ACO1: variants seen among roughly 807,000 people sequenced by gnomAD.
The protein encoded by ACO1 is aconitase 1, also known as cytoplasmic aconitate hydratase.
ACO1 carries 78 observed loss-of-function variants against 105.1 expected under a neutral mutation model. That is an observed-to-expected ratio of 0.74 (90% CI 0.62 to 0.90). ACO1 has a LOEUF of 0.90. Ranked by LOEUF, ACO1 falls within the 40% of genes least tolerant of loss-of-function variation. The pLI is 0.00. For missense variants in ACO1, 965 were observed against 1,111.1 expected, an observed-to-expected ratio of 0.87 and a Z score of 1.87; for synonymous variants, 364 against 397.4, an observed-to-expected ratio of 0.92 and a Z score of 1.00.
At chr9:32,399,802 T>C (rs1821449633) in intron 1 of ACO1, among the ~76,000 whole-genome samples, 1 of 126,494 alleles carries the variant, frequency 7.9e-6, no homozygotes, top group African/African-American at 2.8e-5. Flanking sequence ...ATGTGAGGTC[T>C]AGTGATTTTT....
rs148695624 is a variant in ACO1 at position 32,401,598 on chromosome 9, G to T, written c.-22-3887G>T. Among the ~76,000 whole-genome samples the T allele has an allele frequency of 1.4e-3, 206 of 152,286 alleles. 1 individual carries two copies. Among genetic ancestry groups the T allele is most frequent in the Admixed American group, 2.6e-3 (40 of 15,288 alleles). ...GGTGACAGGTTGGTGCCATGCCTTA[G>T]TGCCATGCTATGTATGCACAAAAGG... On this transcript the variant is annotated intron_variant, in intron 1 of 20. Coordinates refer to ENST00000309951, the MANE Select transcript of ACO1 (RefSeq NM_002197.3).
At chr9:32,396,368 A>G (rs963973873) in intron 1 of ACO1, among the ~76,000 whole-genome samples, 6 of 152,128 alleles carry the variant, frequency 3.9e-5, no homozygotes, top group Non-Finnish European at 7.4e-5. Flanking sequence ...TAAACTACAA[A>G]CACCTAGCTG....
rs1312993905 is a variant in ACO1, at chr9:32,452,144, G to T, written c.*2033G>T. 2 of 151,890 alleles carry T rather than the reference G, an allele frequency of 1.3e-5. No homozygotes were observed. The highest frequency in any genetic ancestry group is 4.8e-5 in the African/African-American group (2 of 41,350). The allele number at this position is 151,890 out of a possible 1,614,324, so 9.4% of individuals were successfully genotyped here. On this transcript the variant is annotated 3_prime_UTR_variant, in exon 21 of 21. Coordinates refer to ENST00000309951, the MANE Select transcript of ACO1 (RefSeq NM_002197.3). ...GATCCTCAAGTTAAGATCAGTCCTA[G>T]AATAAAAACACTAAGAATGGCTGAG...
intron 4 of ACO1, among the ~76,000 whole-genome samples, chr9:32,417,392 A>G (rs1821873018): frequency 6.6e-6 from 1 of 152,088 alleles, no homozygotes; most frequent in African/African-American, 2.4e-5. Context: ...TCCTGTGTTC[A>G]CTCAATCCTA....
At chr9:32,426,650 G>T (rs990023034) in intron 11 of ACO1, among the ~76,000 whole-genome samples, 1 of 152,088 alleles carries the variant, frequency 6.6e-6, no homozygotes, top group African/African-American at 2.4e-5. Context: ...AGCTTTCCTT[G>T]TCTGGTCTGG....
intron 19 of ACO1, among the ~76,000 whole-genome samples, chr9:32,442,451 T>G (rs1437666116): frequency 6.6e-6 from 1 of 152,196 alleles, no homozygotes; most frequent in Non-Finnish European, 1.5e-5. Flanking sequence ...AGTTATTAAT[T>G]ATTAATAATA....
At chr9:32,422,575 A>G (rs951187345) in intron 8 of ACO1, among the ~76,000 whole-genome samples, 5 of 152,306 alleles carry the variant, frequency 3.3e-5, no homozygotes, top group East Asian at 3.9e-4. Flanking sequence ...GGCATACTTC[A>G]TGAGTATTAT....
intron 19 of ACO1, among the ~76,000 whole-genome samples, chr9:32,441,622 A>T (rs1822482381): frequency 6.6e-6 from 1 of 152,194 alleles, no homozygotes; most frequent in Non-Finnish European, 1.5e-5. Context: ...AGAACCAGAT[A>T]ATTGCAGAAG....
intron 1 of ACO1, among the ~76,000 whole-genome samples, chr9:32,404,568 G>A (rs1292830157): frequency 6.6e-6 from 1 of 152,174 alleles, no homozygotes; most frequent in Non-Finnish European, 1.5e-5. Context: ...ATTCCTTCAT[G>A]CCCTCTCGGC....
chr9:32,407,922 T>C (rs1460618602), intron 3 of ACO1, among the ~76,000 whole-genome samples: 1 of 152,248 alleles, frequency 6.6e-6, no homozygotes. Flanking sequence ...TAGATATCCT[T>C]GCTCCCCATT....
chr9:32,431,996 T>A (rs1365158904), intron 15 of ACO1, among the ~76,000 whole-genome samples, 153 bp downstream of exon 15: 1 of 152,158 alleles, frequency 6.6e-6, no homozygotes, highest in African/African-American at 2.4e-5. Flanking sequence ...TTCTCCGTCA[T>A]TTTTCTCCTG....
In ACO1 at chr9:32,436,408, T is replaced by A. The variant is rs763772724; in HGVS notation, c.2247+11T>A. On this transcript the variant is annotated intron_variant, in intron 18 of 20. Coordinates refer to ENST00000309951, the MANE Select transcript of ACO1 (RefSeq NM_002197.3). The stretch of plus-strand genomic sequence containing the variant: ...CCTTCTGGGGAAATCGTGAGTATTG[T>A]CTTCTGCTTCCTGCAGACACTAGCA... 32 of 1,612,444 alleles carry A rather than the reference T, an allele frequency of 2.0e-5. No individual in the cohort carries two copies. In the South Asian group the frequency reaches 3.3e-4, roughly 17 times the overall value.
Position 32,385,598 on chromosome 9 carries a change from G to T in ACO1, c.-23+863G>T, listed in dbSNP as rs370559003. ...AACTATATTTCCCAAAACAGAAAAT[G>T]ATTGAGAAGAGTGGCATTGTTTTAC... is the stretch of plus-strand genomic sequence containing the variant. On this transcript the variant is annotated intron_variant, in intron 1 of 20. Coordinates refer to ENST00000309951, the MANE Select transcript of ACO1 (RefSeq NM_002197.3). 1.3e-4 allele frequency among the ~76,000 whole-genome samples: 20 copies of T among 152,282 alleles called. 1 individual carries two copies. In the South Asian group the frequency reaches 3.5e-3, roughly 27 times the overall value.
rs566487118 is a variant in ACO1, at chr9:32,452,547, C to T, written c.*2436C>T. 3.3e-5 allele frequency: 5 copies of T among 152,274 alleles called. No homozygotes were observed. The East Asian group carries it at 9.7e-4, about 29-fold the overall frequency. The allele number at this position is 152,274 out of a possible 1,614,324, so 9.4% of individuals were successfully genotyped here. On this transcript the variant is annotated 3_prime_UTR_variant, in exon 21 of 21. Transcript: ENST00000309951. ...AAATTTCTATTGTTTATAAGCCACC[C>T]AGTTGATATTTAGTTACAGCAGCCC...
intron 4 of ACO1, among the ~76,000 whole-genome samples, chr9:32,415,924 G>A (rs1261865912): frequency 6.6e-6 from 1 of 151,928 alleles, no homozygotes. Context: ...TTCATTTGAG[G>A]GCCAAGCATA....
chr9:32,398,574 TTTG>T (rs1048595833), intron 1 of ACO1, among the ~76,000 whole-genome samples: 3 of 121,758 alleles, frequency 2.5e-5, no homozygotes, highest in South Asian at 3.2e-4. Flanking sequence ...TCTTTCTTTC[TTTG>T]TTTTTTTTTG....
chr9:32,423,150 G>A (rs181027640), intron 8 of ACO1, among the ~76,000 whole-genome samples, 169 bp from the exon 9 acceptor site: 1 of 152,158 alleles, frequency 6.6e-6, no homozygotes, highest in Non-Finnish European at 1.5e-5. Context: ...ATCAGTGGGA[G>A]AGTCAAACCA....
chr9:32,408,624 A>G lies in ACO1; in HGVS notation c.377A>G (p.His126Arg). 1 of 1,614,216 alleles carries G rather than the reference A, an allele frequency of 6.2e-7. No homozygotes were observed. Among genetic ancestry groups the G allele is most frequent in the Non-Finnish European group, 8.5e-7 (1 of 1,180,022 alleles). Reference protein sequence around the residue: ...PVCPADLVIDHSIQVDFNRRA... With the variant: ...PVCPADLVIDRSIQVDFNRRA... ...TGCCCTGCTGATCTTGTAATAGATCATTCCATCCAGGTTGATTTCAACAGA... is the reference window on the plus strand; with the variant it reads ...TGCCCTGCTGATCTTGTAATAGATCGTTCCATCCAGGTTGATTTCAACAGA... Residue 126 changes from histidine (H) to arginine (R), a missense_variant, in exon 4 of 21, where the codon CAT (histidine) becomes CGT (arginine). Physicochemically the swap from His to Arg is conservative, Grantham distance 29. Coordinates refer to ENST00000309951, the MANE Select transcript of ACO1 (RefSeq NM_002197.3).
chr9:32,432,327 T>C (rs1301191269), intron 15 of ACO1, among the ~76,000 whole-genome samples: 1 of 152,202 alleles, frequency 6.6e-6, no homozygotes. Context: ...TAGGAGGAAA[T>C]GTGTGGGGCT....
Sources: allele counts gnomAD v4.1 joint callset (sites outside exome capture counted in the v4.1 genomes callset), GRCh38; gene constraint gnomAD v4.1.1; transcripts MANE v1.5; gene names NCBI Gene and HGNC (gene_info 2026-07-23, HGNC 2026-07-21).